The following KRT15 variants were observed in gnomAD, a reference collection of about 807,000 sequenced individuals.
KRT15 encodes the protein keratin 15, also known as keratin, type I cytoskeletal 15.
KRT15 carries 45 observed loss-of-function variants against 46.6 expected under a neutral mutation model. The ratio of observed to expected loss-of-function variants is 0.97; its 90% CI spans 0.76 to 1.24. The LOEUF is 1.24. Ranked by LOEUF, KRT15 falls within the 50% of genes most tolerant of loss-of-function variation. The pLI, the probability that KRT15 is intolerant of heterozygous loss-of-function variation, is 0.00. For missense variants in KRT15, 592 were observed against 588.9 expected, an observed-to-expected ratio of 1.01 and a Z score of -0.05; for synonymous variants, 221 against 233.8, an observed-to-expected ratio of 0.95 and a Z score of 0.50.
intron 7 of KRT15, 58 bp downstream of exon 7, chr17:41,514,591 G>A: frequency 6.6e-7 from 1 of 1,516,988 alleles, no homozygotes; most frequent in Non-Finnish European, 9.1e-7. Context: ...TCCGAAGGGG[G>A]TGGTGGCTTC....
intron 7 of KRT15, 38 bp from the exon 8 acceptor site, chr17:41,514,158 C>A (rs143418415): frequency 1.3e-6 from 2 of 1,509,804 alleles, no homozygotes; most frequent in Non-Finnish European, 9.2e-7. Flanking sequence ...GTGGGGGAAC[C>A]TCCCCGCTCT....
chr17:41,517,078 C>A lies in KRT15; in HGVS notation c.581+5G>T. The A allele has an allele frequency of 1.2e-6, 2 of 1,614,138 alleles. No individual in the cohort carries two copies. Among genetic ancestry groups the A allele is most frequent in the Non-Finnish European group, 8.5e-7 (1 of 1,179,982 alleles). On this transcript the variant is annotated splice_donor_5th_base_variant and intron_variant, in intron 2 of 7. Coordinates refer to ENST00000254043, the MANE Select transcript of KRT15 (RefSeq NM_002275.4). ...CAGGAAGAGGAGAGAGACGGGGGAG[C>A]GCACTTGAGCCTGAAGTCGTCCGCA...
intron 1 of KRT15, among the ~76,000 whole-genome samples, chr17:41,517,874 G>C (rs1478544702): frequency 1.3e-5 from 2 of 152,082 alleles, no homozygotes; most frequent in African/African-American, 4.8e-5. Flanking sequence ...AGGTAGGGAG[G>C]GCGAGTTGCT....
At chr17:41,515,245 A>G in intron 6 of KRT15, 1 of 576,172 alleles carries the variant, frequency 1.7e-6, no homozygotes, top group South Asian at 2.1e-5. Flanking sequence ...CCACTAGCCC[A>G]GCCTCTATCA....
At position 41,514,308 on chromosome 17, in the gene KRT15, G is replaced by T. The variant is rs1222581998; in HGVS notation, c.1274-188C>A. Reference sequence around the variant, plus strand: ...ACAGAGATGGGCAGTGGCAATGGCAGGTATGCCCGGCAGGGAGCAACAATG... The same window carrying T: ...ACAGAGATGGGCAGTGGCAATGGCATGTATGCCCGGCAGGGAGCAACAATG... On this transcript the variant is annotated intron_variant, in intron 7 of 7. Coordinates refer to ENST00000254043, the MANE Select transcript of KRT15 (RefSeq NM_002275.4). The T allele has an allele frequency of 4.9e-6, 3 of 610,020 alleles. No individual in the cohort carries two copies. The East Asian group carries it at 8.2e-5, about 17-fold the overall frequency. 37.8% of individuals were successfully genotyped at this position (610,020 alleles called of 1,614,324 possible).
At chr17:41,517,367 C>T in intron 1 of KRT15, 1 of 587,700 alleles carries the variant, frequency 1.7e-6, no homozygotes, top group Non-Finnish European at 3.0e-6. Flanking sequence ...TTTGTCCCAT[C>T]CAGCCTCCTT....
chr17:41,515,488 C>A lies in KRT15; in HGVS notation c.1231G>T (p.Glu411Ter), dbSNP rs758727161. 6.2e-7 allele frequency: 1 copy of A among 1,613,538 alleles called. No homozygotes were observed. Among genetic ancestry groups the A allele is most frequent in the South Asian group, 1.1e-5 (1 of 91,090 alleles). Residue 411 changes from glutamate to a stop codon, truncating the protein, a stop_gained, in exon 6 of 8, where the codon GAG becomes TAG. Transcript: ENST00000254043. LOFTEE classifies it high-confidence loss of function. ...GGCGCCTACTTGGCATCCTGGCCCT[C>A]GAGCAGGCTGCGGTAAGTAGCGATC... ...QEIATYRSLLEGQDAKMAGIA... is the reference protein window; with the variant it reads ...QEIATYRSLL
In KRT15 at chr17:41,515,633, C is replaced by G; in HGVS notation, c.1086G>C (p.Gln362His). 6.2e-7 allele frequency: 1 copy of G among 1,614,230 alleles called. No individual in the cohort carries two copies. Among genetic ancestry groups the G allele is most frequent in the South Asian group, 1.1e-5 (1 of 91,090 alleles). Residue 362 changes from glutamine to histidine, a missense_variant, in exon 6 of 8, where the codon CAG becomes CAC. Gln to His is a conservative substitution (Grantham distance 24). Transcript: ENST00000254043. ...GGCCACCAATGAGCCCCTGGATCTGCTGCAGCTGCGTGGCATAGCGGCACT... is the reference window on the plus strand; with the variant it reads ...GGCCACCAATGAGCCCCTGGATCTGGTGCAGCTGCGTGGCATAGCGGCACT... ...ETECRYATQL[Q>H]QIQGLIGGLE...
At chr17:41,516,468 G>A (rs995648124) in intron 3 of KRT15, among the ~76,000 whole-genome samples, 4 of 152,192 alleles carry the variant, frequency 2.6e-5, no homozygotes, top group African/African-American at 9.6e-5. Flanking sequence ...AGGACCCCGA[G>A]ACTGTAGGGC....
At chr17:41,518,125 T>TC (rs1905479365) in intron 1 of KRT15, among the ~76,000 whole-genome samples, 1 of 151,748 alleles carries the variant, frequency 6.6e-6, no homozygotes, top group African/African-American at 2.4e-5. Context: ...CCTCTCTCCC[T>TC]CCCCCAGCAC....
rs533776839 is a variant in KRT15, at chr17:41,517,186, G to A, written c.499-21C>T. On this transcript the variant is annotated intron_variant, in intron 1 of 7. Transcript: ENST00000254043. Reference sequence around the variant, plus strand: ...ATGATCTGCAGGAGACAGAGTCGGTGTCTAGAGGACTCCTCTCTCTCCCCT... The same window carrying A: ...ATGATCTGCAGGAGACAGAGTCGGTATCTAGAGGACTCCTCTCTCTCCCCT... The A allele has an allele frequency of 3.7e-6, 6 of 1,603,864 alleles. No homozygotes were observed. In the South Asian group the frequency reaches 6.6e-5, roughly 18 times the overall value.
rs368789787 is a variant in KRT15 at position 41,515,878 on chromosome 17, G to C, written c.1026+7C>G. The C allele has an allele frequency of 1.9e-6, 3 of 1,613,806 alleles. No homozygotes were observed. In the African/African-American group the frequency reaches 4.0e-5, roughly 22 times the overall value. On this transcript the variant is annotated splice_region_variant and intron_variant, in intron 5 of 7. Coordinates refer to ENST00000254043, the MANE Select transcript of KRT15 (RefSeq NM_002275.4). ...GAGAGGCTGGGATGGGGCGCGAGTG[G>C]CCGTACCATGCTGAGCTGGGACTGC...
chr17:41,516,376 TC>T, intron 3 of KRT15, 111 bp from the exon 4 acceptor site: 1 of 1,162,316 alleles, frequency 8.6e-7, no homozygotes, highest in Non-Finnish European at 1.2e-6. Context: ...CAACCGCTGT[TC>T]CCCATTGCAC....
Position 41,518,741 on chromosome 17 carries a change from G to T in KRT15, c.87C>A (p.Gly29=). The T allele has an allele frequency of 6.6e-7, 1 of 1,508,274 alleles. No homozygotes were observed. Among genetic ancestry groups the T allele is most frequent in the Non-Finnish European group, 9.0e-7 (1 of 1,115,314 alleles). The allele number at this position is 1,508,274 out of a possible 1,614,324, so 93.4% of individuals were successfully genotyped here. A position where few individuals can be genotyped will look rare whatever the true frequency, so the allele number is the denominator to read the frequency against. The change falls in exon 1 of 8, where the codon GGC becomes GGA. Residue 29 remains glycine (G), a synonymous_variant. Transcript: ENST00000254043. Reference sequence around the variant, plus strand: ...CCCCAGAGAGACTCCCCCCACCAAAGCCACCTCCCCCAGCCAGGAGGGAAC... The same window carrying T: ...CCCCAGAGAGACTCCCCCCACCAAATCCACCTCCCCCAGCCAGGAGGGAAC... ...RGGSLLAGGG[G]FGGGSLSGGG...
rs201128744 is a variant in KRT15, at chr17:41,518,300, C to T, written c.498+30G>A. 39 of 1,593,350 alleles carry T rather than the reference C, an allele frequency of 2.4e-5. No homozygotes were observed. The East Asian group carries it at 8.3e-4, about 34-fold the overall frequency. ...CTGTGTACAGGGTACCAGCCACCTGCTCCCCTCTCTTTGACATCCGAGGAC... is the reference window on the plus strand; with the variant it reads ...CTGTGTACAGGGTACCAGCCACCTGTTCCCCTCTCTTTGACATCCGAGGAC... On this transcript the variant is annotated intron_variant, in intron 1 of 7. Coordinates refer to ENST00000254043, the MANE Select transcript of KRT15 (RefSeq NM_002275.4).
Position 41,516,787 on chromosome 17 carries a change from GT to G in KRT15, c.738+20del. The G allele has an allele frequency of 6.2e-7, 1 of 1,613,760 alleles. No homozygotes were observed. Among genetic ancestry groups the G allele is most frequent in the South Asian group, 1.1e-5 (1 of 91,072 alleles). ...TTCCCCACCTCTCTCGGGTTCAGGG[GT>G]GATGGGGGCCAGCTCTCACCTCTTC... On this transcript the variant is annotated intron_variant, in intron 3 of 7. Coordinates refer to ENST00000254043, the MANE Select transcript of KRT15 (RefSeq NM_002275.4).
intron 3 of KRT15, among the ~76,000 whole-genome samples, chr17:41,516,587 C>T (rs879681064): frequency 8.5e-5 from 13 of 152,188 alleles, no homozygotes; most frequent in Admixed American, 5.9e-4. Context: ...TCCATGAGGA[C>T]ACCTGGTTTT....
chr17:41,518,440 T>G lies in KRT15; in HGVS notation c.388A>C (p.Asn130His), dbSNP rs1196918516. The G allele has an allele frequency of 6.2e-7, 1 of 1,614,058 alleles. No individual in the cohort carries two copies. The highest frequency in any genetic ancestry group is 1.7e-5 in the Admixed American group (1 of 60,008). Residue 130 changes from asparagine (N) to histidine (H), a missense_variant, in exon 1 of 8, where the codon AAT becomes CAT. Asn to His is a moderately conservative substitution (Grantham distance 68). Coordinates refer to ENST00000254043, the MANE Select transcript of KRT15 (RefSeq NM_002275.4). ...LDKVRALEEANADLEVKIHDW... is the reference protein window; with the variant it reads ...LDKVRALEEAHADLEVKIHDW... Reference sequence around the variant, plus strand: ...TGGATCTTCACCTCCAGGTCAGCATTGGCCTCCTCCAGGGCACGTACCTTG... The same window carrying G: ...TGGATCTTCACCTCCAGGTCAGCATGGGCCTCCTCCAGGGCACGTACCTTG...
rs762474276 is a variant in KRT15 at position 41,515,630 on chromosome 17, C to T, written c.1089G>A (p.Gln363=). ...TECRYATQLQ[Q]IQGLIGGLEA... ...CCAGGCCACCAATGAGCCCCTGGAT[C>T]TGCTGCAGCTGCGTGGCATAGCGGC... The change falls in exon 6 of 8, where the codon CAG becomes CAA. Residue 363 remains glutamine, a synonymous_variant. Transcript: ENST00000254043. 1 of 1,614,092 alleles carries T rather than the reference C, an allele frequency of 6.2e-7. No individual in the cohort carries two copies. The highest frequency in any genetic ancestry group is 8.5e-7 in the Non-Finnish European group (1 of 1,180,060).
Sources: gnomAD v4.1 joint callset for allele counts (sites outside exome capture counted in the v4.1 genomes callset) on GRCh38, gnomAD v4.1.1 for gene constraint, MANE v1.5 for transcripts, NCBI Gene and HGNC (gene_info 2026-07-23, HGNC 2026-07-21) for gene names.